APC: variants seen among roughly 807,000 people sequenced by gnomAD.
APC encodes APC regulator of Wnt signaling pathway.
APC carries 72 observed loss-of-function variants against 247.0 expected under a neutral mutation model. The ratio of observed to expected loss-of-function variants is 0.29; its 90% CI spans 0.24 to 0.35. APC has a LOEUF of 0.35. APC is among the 10% of genes least tolerant of loss of function. APC has a pLI of 1.00. For missense variants in APC, 3,400 were observed against 3,360.7 expected, an observed-to-expected ratio of 1.01 and a Z score of -0.29; for synonymous variants, 1,254 against 1,162.5, an observed-to-expected ratio of 1.08 and a Z score of -1.60.
chr5:112,800,652 A>G (rs1331591793), intron 7 of APC, among the ~76,000 whole-genome samples: 2 of 152,130 alleles, frequency 1.3e-5, no homozygotes, highest in Admixed American at 1.3e-4. Context: ...ATTTTTATAA[A>G]GTGACTGCTT....
intron 1 of APC, among the ~76,000 whole-genome samples, chr5:112,742,755 T>C (rs1387791437): frequency 6.6e-6 from 1 of 152,172 alleles, no homozygotes; most frequent in Non-Finnish European, 1.5e-5. Flanking sequence ...ATTCTCTTTA[T>C]TAGATATGAG....
At chr5:112,739,325 G>C (rs368484285) in intron 1 of APC, among the ~76,000 whole-genome samples, 34 of 152,180 alleles carry the variant, frequency 2.2e-4, no homozygotes, top group African/African-American at 6.7e-4. Flanking sequence ...CCCTGAACAA[G>C]GATGGCAGTG....
At chr5:112,790,620 T>G (rs1759474227) in intron 6 of APC, among the ~76,000 whole-genome samples, 1 of 152,214 alleles carries the variant, frequency 6.6e-6, no homozygotes, top group Non-Finnish European at 1.5e-5. Context: ...TGAGCCACCG[T>G]GCCCGGCAGC....
rs1750592062 is a variant in APC at position 112,707,642 on chromosome 5, G to A, written c.-76G>A. ...TGCGGACCGAGGTTGGCTCGATGCT[G>A]TTCCCAGGTACTGTTGTTGGCTGTT... On this transcript the variant is annotated 5_prime_UTR_variant, in exon 1 of 14. Coordinates refer to the APC transcript ENST00000507379. 1 of 1,355,282 alleles carries A rather than the reference G, an allele frequency of 7.4e-7. No individual in the cohort carries two copies. The highest frequency in any genetic ancestry group is 1.2e-5 in the South Asian group (1 of 81,320). The allele number at this position is 1,355,282 out of a possible 1,614,324, so 84.0% of individuals were successfully genotyped here.
chr5:112,803,861 A>T (rs1761093790), intron 8 of APC, among the ~76,000 whole-genome samples: 1 of 152,174 alleles, frequency 6.6e-6, no homozygotes, highest in African/African-American at 2.4e-5. Context: ...TCATATTATA[A>T]TCAGTTATTC....
At chr5:112,754,740 A>G (rs530850492) in intron 1 of APC, 133 bp from the exon 2 acceptor site, 160 of 774,366 alleles carry the variant, frequency 2.1e-4, no homozygotes, top group Non-Finnish European at 3.2e-4. Context: ...TTGTTTTGAG[A>G]CCAAAAACTA....
intron 2 of APC, among the ~76,000 whole-genome samples, chr5:112,762,882 T>A (rs761479329): frequency 1.3e-5 from 2 of 152,214 alleles, no homozygotes; most frequent in Non-Finnish European, 2.9e-5. Flanking sequence ...AGCCATAAAC[T>A]GTTCACAGCA....
In APC at chr5:112,845,910, A is replaced by G. The variant is rs1766950214; in HGVS notation, c.*1784A>G. Reference sequence around the variant, plus strand: ...CCTTTTTAAGCATGGTGGGGCACTCAGATAGGAGTGAATACACCTACCTGG... The same window carrying G: ...CCTTTTTAAGCATGGTGGGGCACTCGGATAGGAGTGAATACACCTACCTGG... On this transcript the variant is annotated 3_prime_UTR_variant, in exon 16 of 16. Coordinates refer to ENST00000257430, the MANE Select transcript of APC (RefSeq NM_000038.6). 1 of 232,176 alleles carries G rather than the reference A, an allele frequency of 4.3e-6. No individual in the cohort carries two copies. Among genetic ancestry groups the G allele is most frequent in the Non-Finnish European group, 8.5e-6 (1 of 117,424 alleles). The allele number at this position is 232,176 out of a possible 1,614,324, so 14.4% of individuals were successfully genotyped here. A position where few individuals can be genotyped will look rare whatever the true frequency, so the allele number is the denominator to read the frequency against.
At chr5:112,758,803 A>G (rs996251247) in intron 2 of APC, among the ~76,000 whole-genome samples, 2 of 151,778 alleles carry the variant, frequency 1.3e-5, no homozygotes, top group Non-Finnish European at 2.9e-5. Context: ...GAGTTTTGCC[A>G]TGTTTGCCAG....
At chr5:112,795,301 C>T (rs1256019972) in intron 7 of APC, among the ~76,000 whole-genome samples, 1 of 152,198 alleles carries the variant, frequency 6.6e-6, no homozygotes, top group African/African-American at 2.4e-5. Flanking sequence ...GTTAGGATTA[C>T]AGGCATAAGC....
chr5:112,742,158 T>G (rs1019198017), intron 1 of APC, among the ~76,000 whole-genome samples: 1 of 152,222 alleles, frequency 6.6e-6, no homozygotes, highest in Non-Finnish European at 1.5e-5. Context: ...TACATAATTT[T>G]TGAACATTAT....
intron 6 of APC, among the ~76,000 whole-genome samples, chr5:112,781,284 C>T (rs1485381572): frequency 6.6e-6 from 1 of 152,150 alleles, no homozygotes; most frequent in Non-Finnish European, 1.5e-5. Context: ...TTAAAAAACC[C>T]TCATTCAAGG....
chr5:112,812,525 C>G (rs1017696867), intron 8 of APC, among the ~76,000 whole-genome samples: 5 of 152,138 alleles, frequency 3.3e-5, no homozygotes, highest in Non-Finnish European at 5.9e-5. Context: ...TTCTTCTGAC[C>G]CTTGCTTATG....
chr5:112,766,566 A>G (rs1756360781), intron 3 of APC, among the ~76,000 whole-genome samples, 156 bp downstream of exon 3: 1 of 152,174 alleles, frequency 6.6e-6, no homozygotes, highest in South Asian at 2.1e-4. Context: ...TAAAGTACAA[A>G]TAAATAAAAA....
Position 112,842,481 on chromosome 5 carries a change from G to A in APC, c.6887G>A (p.Ser2296Asn), listed in dbSNP as rs919611781. Residue 2296 changes from serine (S) to asparagine (N), a missense_variant, in exon 16 of 16, where the codon AGT becomes AAT. This residue lies in a region of APC where 1,788 missense variants were observed against 1,649.5 expected (regional missense o/e 1.08). Transcript: ENST00000257430. ...ARQTSQIGGS[S>N]KAPSRSGSRD... is the part of the protein sequence containing the mutation. ...CAGACATCCCAAATAGGTGGGTCAA[G>A]TAAAGCACCTTCTAGATCAGGATCT... The A allele has an allele frequency of 3.7e-6, 6 of 1,613,900 alleles. No individual in the cohort carries two copies. In the East Asian group the frequency reaches 1.1e-4, roughly 30 times the overall value.
intron 8 of APC, among the ~76,000 whole-genome samples, chr5:112,807,667 A>G (rs1048034775): frequency 3.9e-5 from 6 of 152,254 alleles, no homozygotes; most frequent in East Asian, 1.9e-4. Flanking sequence ...AACCCACTCT[A>G]CTGCCACTGG....
At chr5:112,756,236 C>CT in intron 2 of APC, among the ~76,000 whole-genome samples, 1 of 152,308 alleles carries the variant, frequency 6.6e-6, no homozygotes, top group African/African-American at 2.4e-5. Flanking sequence ...GTCCTATTCT[C>CT]TTTTTCCATC....
At chr5:112,755,691 T>C (rs1487926308) in intron 2 of APC, among the ~76,000 whole-genome samples, 1 of 152,252 alleles carries the variant, frequency 6.6e-6, no homozygotes, top group African/African-American at 2.4e-5. Context: ...AAATCGTCTA[T>C]AGTGGGGAAA....
chr5:112,818,698 A>G (rs1443892560), intron 9 of APC, among the ~76,000 whole-genome samples: 4 of 152,170 alleles, frequency 2.6e-5, no homozygotes, highest in East Asian at 3.9e-4. Flanking sequence ...GTTAGTGAGT[A>G]TGCAAAAACC....
Sources: allele counts gnomAD v4.1 joint callset (sites outside exome capture counted in the v4.1 genomes callset), GRCh38; gene constraint gnomAD v4.1.1; regional missense constraint gnomAD v4.1.1; transcripts MANE v1.5; gene names NCBI Gene and HGNC (gene_info 2026-07-23, HGNC 2026-07-21).